PTPRN2: variants seen among roughly 807,000 people sequenced by gnomAD.
PTPRN2 encodes the protein protein tyrosine phosphatase receptor type N2.
Under a neutral mutation model 118.8 loss-of-function variants are expected in PTPRN2, and 74 were observed. The observed-to-expected ratio is 0.62, with a 90% confidence interval of 0.52 to 0.76. The LOEUF (loss-of-function observed/expected upper bound fraction) is 0.76, where lower values mean the gene tolerates loss of function less well. Ranked by LOEUF, PTPRN2 falls within the 30% of genes least tolerant of loss-of-function variation. The pLI is 0.00. For missense variants in PTPRN2, 1,481 were observed against 1,394.4 expected (o/e 1.06, Z -0.99); for synonymous variants, 641 against 608.0 (o/e 1.05, Z -0.80).
At chr7:158,512,998 C>A (rs555326463) in intron 1 of PTPRN2, among the ~76,000 whole-genome samples, 1 of 152,288 alleles carries the variant, frequency 6.6e-6, no homozygotes, top group South Asian at 2.1e-4. Flanking sequence ...TCTGTCTATC[C>A]TCTGCCTTCA....
chr7:157,845,083 G>A lies in PTPRN2; in HGVS notation c.1788+53590C>T, dbSNP rs1322898160. ...TAGAGATAGACAAAGGGAGAGGTGAGCACAAGGTCACAGGGACGCAGCCCT... is the reference window on the plus strand; with the variant it reads ...TAGAGATAGACAAAGGGAGAGGTGAACACAAGGTCACAGGGACGCAGCCCT... On this transcript the variant is annotated intron_variant, in intron 12 of 22. Transcript: ENST00000389418. This position sits in a 1 kb window ranked among gnomAD's most constrained non-coding sequence, Gnocchi z 4.5. Among the ~76,000 whole-genome samples, 1 of 152,104 alleles carries A rather than the reference G, an allele frequency of 6.6e-6. No individual in the cohort carries two copies. Among genetic ancestry groups the A allele is most frequent in the African/African-American group, 2.4e-5 (1 of 41,406 alleles).
chr7:157,642,837 A>AAAAAAAAAAAAAAAC (rs1804776547), intron 14 of PTPRN2, among the ~76,000 whole-genome samples: 1 of 147,420 alleles, frequency 6.8e-6, no homozygotes, highest in Non-Finnish European at 1.5e-5. Flanking sequence ...AAAAAAAAAA[A>AAAAAAAAAAAAAAAC]AAAAAAAGCA....
intron 12 of PTPRN2, among the ~76,000 whole-genome samples, chr7:157,829,739 G>A (rs562008389): frequency 1.3e-5 from 2 of 152,340 alleles, no homozygotes; most frequent in South Asian, 2.1e-4. Flanking sequence ...AGAGGGCCGG[G>A]AGAGCAGCCG....
intron 12 of PTPRN2, among the ~76,000 whole-genome samples, chr7:157,829,371 G>A (rs992016943): frequency 2.6e-5 from 4 of 152,206 alleles, no homozygotes; most frequent in African/African-American, 4.8e-5. Flanking sequence ...TAAAAAAGAC[G>A]AACATCAAAC....
chr7:158,562,545 C>T (rs545137311), intron 1 of PTPRN2, among the ~76,000 whole-genome samples: 2 of 152,144 alleles, frequency 1.3e-5, no homozygotes, highest in Admixed American at 6.6e-5. Context: ...ATCAATGCAG[C>T]GAAACCCAGG....
intron 12 of PTPRN2, among the ~76,000 whole-genome samples, chr7:157,758,203 A>T (rs559036806): frequency 6.6e-6 from 1 of 152,184 alleles, no homozygotes; most frequent in Non-Finnish European, 1.5e-5. Context: ...GTCGTAATTG[A>T]CTGGACAGGT....
chr7:157,838,110 A>G (rs1808104399), intron 12 of PTPRN2, among the ~76,000 whole-genome samples: 2 of 144,116 alleles, frequency 1.4e-5, no homozygotes, highest in African/African-American at 5.3e-5. Context: ...CACTATGCCT[A>G]CTCCAGTTCC....
chr7:157,703,864 C>T (rs757660502), intron 12 of PTPRN2, among the ~76,000 whole-genome samples: 7 of 152,326 alleles, frequency 4.6e-5, no homozygotes, highest in Non-Finnish European at 8.8e-5. Flanking sequence ...TGCCTCTCCC[C>T]TGCCCTCCAC....
chr7:157,803,165 A>G (rs990334417), intron 12 of PTPRN2, among the ~76,000 whole-genome samples: 2 of 152,118 alleles, frequency 1.3e-5, no homozygotes, highest in Admixed American at 1.3e-4. Context: ...GGGTTTTGCC[A>G]TGTTAGCCAG....
intron 11 of PTPRN2, among the ~76,000 whole-genome samples, chr7:158,070,932 CTGG>C (rs1325810037): frequency 3.4e-5 from 1 of 29,290 alleles, no homozygotes; most frequent in Non-Finnish European, 6.0e-5. Context: ...GGAGGTGCTC[CTGG>C]TGGTGGAGGT....
At chr7:157,958,788 C>A (rs78334538) in intron 11 of PTPRN2, among the ~76,000 whole-genome samples, 1 of 152,188 alleles carries the variant, frequency 6.6e-6, no homozygotes, top group East Asian at 1.9e-4. Flanking sequence ...CCCATCTTCA[C>A]GTATTATAAG....
chr7:158,443,756 C>A (rs1200879897), intron 2 of PTPRN2, among the ~76,000 whole-genome samples: 1 of 152,178 alleles, frequency 6.6e-6, no homozygotes, highest in African/African-American at 2.4e-5. Flanking sequence ...GTTCCAAGGC[C>A]TGTGGCCAGC....
At chr7:158,002,194 C>A (rs12113133) in intron 11 of PTPRN2, among the ~76,000 whole-genome samples, 1 of 152,176 alleles carries the variant, frequency 6.6e-6, no homozygotes, top group Non-Finnish European at 1.5e-5. Context: ...GCAGCCCCCG[C>A]GGGAAACACG....
rs1227316777 is a variant in PTPRN2 at position 157,729,820 on chromosome 7, G to A, written c.1789-46883C>T. On this transcript the variant is annotated intron_variant, in intron 12 of 22. Coordinates refer to ENST00000389418, the MANE Select transcript of PTPRN2 (RefSeq NM_002847.5). This position sits in a 1 kb window ranked among gnomAD's most constrained non-coding sequence, Gnocchi z 4.3. ...GCCACCTGCTGGCCACGTGGAGGAC[G>A]GGGAGCGGCAGGCGGATGAGGGAAG... is the stretch of plus-strand genomic sequence containing the variant. 4.6e-5 allele frequency among the ~76,000 whole-genome samples: 7 copies of A among 152,188 alleles called. No homozygotes were observed. The highest frequency in any genetic ancestry group is 1.0e-4 in the Non-Finnish European group (7 of 68,026).
intron 11 of PTPRN2, among the ~76,000 whole-genome samples, chr7:158,018,310 G>C (rs913497894): frequency 2.6e-5 from 4 of 152,228 alleles, no homozygotes; most frequent in African/African-American, 7.2e-5. Flanking sequence ...GAAGGAAAAG[G>C]CTCTTGCCTG....
chr7:158,279,750 C>G (rs1467013628), intron 3 of PTPRN2, among the ~76,000 whole-genome samples: 1 of 152,210 alleles, frequency 6.6e-6, no homozygotes, highest in African/African-American at 2.4e-5. Context: ...GGAGCCGGCT[C>G]CGGCCTCAGC....
intron 11 of PTPRN2, among the ~76,000 whole-genome samples, chr7:157,984,799 C>T (rs1256965444): frequency 6.6e-6 from 1 of 152,200 alleles, no homozygotes; most frequent in Non-Finnish European, 1.5e-5. Flanking sequence ...CAGAAGCTCC[C>T]TAGTCACAGG....
At chr7:158,248,595 G>GT in intron 3 of PTPRN2, among the ~76,000 whole-genome samples, 1 of 124,776 alleles carries the variant, frequency 8.0e-6, no homozygotes. Context: ...TGCCACACAC[G>GT]GACCCACATC....
At chr7:157,822,058 TCATC>T (rs150502630) in intron 12 of PTPRN2, among the ~76,000 whole-genome samples, 5,318 of 151,338 alleles carry the variant, frequency 0.035, 298 homozygotes, top group African/African-American at 0.12. Context: ...ATCCATTCAC[TCATC>T]CATCCATCTA....
Sources: allele counts gnomAD v4.1 joint callset (sites outside exome capture counted in the v4.1 genomes callset), GRCh38; gene constraint gnomAD v4.1.1; non-coding constraint Gnocchi (gnomAD v3.1); transcripts MANE v1.5; gene names NCBI Gene and HGNC (gene_info 2026-07-23, HGNC 2026-07-21).